KIAA1217: variants seen among roughly 807,000 people sequenced by gnomAD.
KIAA1217 encodes KIAA1217, also known as sickle tail protein homolog.
Under a neutral mutation model 163.9 loss-of-function variants are expected in KIAA1217, and 88 were observed. That is an observed-to-expected ratio of 0.54 (90% CI 0.45 to 0.64). The LOEUF (loss-of-function observed/expected upper bound fraction) is 0.64. KIAA1217 is among the 30% of genes least tolerant of loss of function. KIAA1217 has a pLI of 0.00. For synonymous variants in KIAA1217, 903 were observed against 923.1 expected, an observed-to-expected ratio of 0.98 and a Z score of 0.39; for missense variants, 2,372 against 2,475.0, an observed-to-expected ratio of 0.96 and a Z score of 0.88.
At chr10:24,321,057 C>CAA (rs34148404) in intron 2 of KIAA1217, among the ~76,000 whole-genome samples, 10 of 149,036 alleles carry the variant, frequency 6.7e-5, no homozygotes, top group Admixed American at 3.3e-4. Context: ...AAAAAAAAAA[C>CAA]AAAAAAAATG....
chr10:24,092,928 TTGTGTG>T (rs72267704), intron 2 of KIAA1217, among the ~76,000 whole-genome samples: 9 of 141,068 alleles, frequency 6.4e-5, no homozygotes, highest in East Asian at 2.0e-4. Context: ...TGTGTGTGTG[TTGTGTG>T]TGTGTGTGTG....
At chr10:24,039,831 GAT>G (rs1848557456) in intron 2 of KIAA1217, among the ~76,000 whole-genome samples, 2 of 100,886 alleles carry the variant, frequency 2.0e-5, no homozygotes, top group South Asian at 6.3e-4. Flanking sequence ...TATAGATATA[GAT>G]ATAGATATAG....
At chr10:24,301,890 C>T (rs2041391716) in intron 2 of KIAA1217, among the ~76,000 whole-genome samples, 1 of 151,824 alleles carries the variant, frequency 6.6e-6, no homozygotes, top group South Asian at 2.1e-4. Context: ...ACGAAAAATA[C>T]AAAAATTAGC....
intron 2 of KIAA1217, among the ~76,000 whole-genome samples, chr10:24,101,162 A>T (rs2062398379): frequency 6.6e-6 from 1 of 152,250 alleles, no homozygotes; most frequent in Non-Finnish European, 1.5e-5. Context: ...AAAGGAGTCA[A>T]GGTCAAAATA....
rs577191445 is a variant in KIAA1217, at chr10:23,776,187, G to A, written c.-321+80953G>A. Among the ~76,000 whole-genome samples, 314 of 152,166 alleles carry A rather than the reference G, an allele frequency of 2.1e-3. 1 individual carries two copies. The highest frequency in any genetic ancestry group is 3.9e-3 in the Non-Finnish European group (262 of 68,004). On this transcript the variant is annotated intron_variant, in intron 1 of 18. Coordinates refer to the KIAA1217 transcript ENST00000376462. ...TTCCTCTGAACTTGAATGTTTCCTTGTTATAGTGGCCCCTGACAGTAAACC... is the reference window on the plus strand; with the variant it reads ...TTCCTCTGAACTTGAATGTTTCCTTATTATAGTGGCCCCTGACAGTAAACC...
chr10:24,075,307 A>G (rs918072760), intron 2 of KIAA1217, among the ~76,000 whole-genome samples: 1 of 152,170 alleles, frequency 6.6e-6, no homozygotes, highest in African/African-American at 2.4e-5. Context: ...TATGCCTTGT[A>G]TGAATGAATT....
intron 2 of KIAA1217, among the ~76,000 whole-genome samples, chr10:24,125,551 A>G (rs1451014155): frequency 6.6e-6 from 1 of 151,906 alleles, no homozygotes; most frequent in Non-Finnish European, 1.5e-5. Flanking sequence ...CTCTGTGGTC[A>G]TGTCACTTTT....
chr10:24,218,117 CCTGT>C (rs753241845), intron 1 of KIAA1217, among the ~76,000 whole-genome samples: 33 of 152,250 alleles, frequency 2.2e-4, no homozygotes, highest in African/African-American at 6.0e-4. Context: ...ATGAAGAGAG[CCTGT>C]CTAACTCCTG....
chr10:23,992,636 G>A (rs534206359), intron 1 of KIAA1217, among the ~76,000 whole-genome samples: 12 of 141,888 alleles, frequency 8.5e-5, no homozygotes, highest in Non-Finnish European at 1.5e-4. Flanking sequence ...GGAAGCCCTC[G>A]TGATGGGATA....
chr10:23,836,823 A>G (rs1838478243), intron 1 of KIAA1217, among the ~76,000 whole-genome samples: 1 of 151,580 alleles, frequency 6.6e-6, no homozygotes, highest in African/African-American at 2.4e-5. Flanking sequence ...CCAGCTACTC[A>G]GGAGTCTGAG....
chr10:23,769,155 G>C (rs916172540), intron 1 of KIAA1217, among the ~76,000 whole-genome samples: 1 of 152,220 alleles, frequency 6.6e-6, no homozygotes, highest in East Asian at 1.9e-4. Flanking sequence ...TTTAAGGACA[G>C]TTTGATGGGT....
chr10:23,867,158 C>T (rs375299980), intron 1 of KIAA1217, among the ~76,000 whole-genome samples: 1,936 of 152,054 alleles, frequency 0.013, 52 homozygotes, highest in African/African-American at 0.044. Context: ...ATTTCATCCA[C>T]GTCCCTACAA....
intron 1 of KIAA1217, among the ~76,000 whole-genome samples, chr10:23,847,748 T>G (rs1203045914): frequency 1.3e-5 from 2 of 152,090 alleles, no homozygotes; most frequent in Non-Finnish European, 2.9e-5. Context: ...TTCTTTCTTG[T>G]CTTCTGCTGG....
chr10:23,888,932 A>T lies in KIAA1217; in HGVS notation c.-320-118293A>T, dbSNP rs575373229. 2.0e-5 allele frequency among the ~76,000 whole-genome samples: 3 copies of T among 151,944 alleles called. No individual in the cohort carries two copies. In the East Asian group the frequency reaches 5.9e-4, roughly 30 times the overall value. On this transcript the variant is annotated intron_variant, in intron 1 of 18. Coordinates refer to the KIAA1217 transcript ENST00000376462. ...TTTCCCTCTTTTAGAGCATTATACA[A>T]TTGGAATCATTCAAGACATATTGGT...
At chr10:24,313,843 GTT>G (rs35876174) in intron 2 of KIAA1217, among the ~76,000 whole-genome samples, 6 of 113,396 alleles carry the variant, frequency 5.3e-5, no homozygotes, top group African/African-American at 3.2e-5. Flanking sequence ...CCATCTGGTT[GTT>G]TTTTTTTTTT....
intron 2 of KIAA1217, among the ~76,000 whole-genome samples, chr10:24,112,192 A>G (rs1236630399): frequency 6.6e-6 from 1 of 152,202 alleles, no homozygotes; most frequent in Non-Finnish European, 1.5e-5. Flanking sequence ...AAACGTCACT[A>G]CATATGTTGA....
At chr10:23,906,110 A>T (rs1842150910) in intron 1 of KIAA1217, among the ~76,000 whole-genome samples, 1 of 152,092 alleles carries the variant, frequency 6.6e-6, no homozygotes, top group Non-Finnish European at 1.5e-5. Flanking sequence ...TTAATAAAAG[A>T]TTAATCATAT....
intron 5 of KIAA1217, chr10:24,466,816 TGAAA>T (rs969424987): frequency 1.0e-6 from 1 of 982,984 alleles, no homozygotes; most frequent in Non-Finnish European, 1.2e-6. Flanking sequence ...TCTTTGAGGG[TGAAA>T]GAGTGTCTTA....
intron 2 of KIAA1217, among the ~76,000 whole-genome samples, chr10:24,276,825 G>T (rs1231608035): frequency 6.6e-6 from 1 of 151,852 alleles, no homozygotes; most frequent in Non-Finnish European, 1.5e-5. Context: ...GGCCAGGCTG[G>T]TCTGGAACTC....
Sources: gnomAD v4.1 joint callset for allele counts (sites outside exome capture counted in the v4.1 genomes callset) on GRCh38, gnomAD v4.1.1 for gene constraint, MANE v1.5 for transcripts, NCBI Gene and HGNC (gene_info 2026-07-23, HGNC 2026-07-21) for gene names.